VWF: variants seen among roughly 807,000 people sequenced by gnomAD.
VWF encodes von Willebrand factor.
Under a neutral mutation model 308.6 loss-of-function variants are expected in VWF, and 176 were observed. The ratio of observed to expected loss-of-function variants is 0.57; its 90% CI spans 0.50 to 0.65. The LOEUF (loss-of-function observed/expected upper bound fraction) is 0.65. Among genes scored for constraint, VWF ranks in the 30% least tolerant of loss-of-function variants. The pLI is 0.00. For synonymous variants in VWF, 1,385 were observed against 1,443.4 expected (o/e 0.96, Z 0.92); for missense variants, 3,146 against 3,648.2 (o/e 0.86, Z 3.55).
chr12:6,079,805 C>T (rs1017496439), intron 6 of VWF, among the ~76,000 whole-genome samples: 1 of 152,156 alleles, frequency 6.6e-6, no homozygotes, highest in East Asian at 1.9e-4. Context: ...CCCTGGCTGA[C>T]AGGGCAAAGC....
At chr12:6,054,689 A>G (rs530474638) in intron 15 of VWF, among the ~76,000 whole-genome samples, 1 of 152,186 alleles carries the variant, frequency 6.6e-6, no homozygotes, top group African/African-American at 2.4e-5. Flanking sequence ...TTGCAAGAGG[A>G]AAAAAAATGT....
At chr12:6,048,588 G>C (rs896186492) in intron 16 of VWF, among the ~76,000 whole-genome samples, 6 of 152,198 alleles carry the variant, frequency 3.9e-5, no homozygotes, top group Admixed American at 1.3e-4. Flanking sequence ...TCAGCCTCCA[G>C]AGTAGCTGGG....
At chr12:5,953,661 T>C in intron 47 of VWF, 67 bp from the exon 48 acceptor site, 1 of 1,328,522 alleles carries the variant, frequency 7.5e-7, no homozygotes. Flanking sequence ...GTAAGTAGGC[T>C]GATTTTGCTG....
At chr12:6,098,952 C>G (rs1315835030) in intron 5 of VWF, among the ~76,000 whole-genome samples, 5 of 151,816 alleles carry the variant, frequency 3.3e-5, no homozygotes, top group African/African-American at 9.7e-5. Flanking sequence ...CCTGAGACCC[C>G]CATTGTGAAG....
chr12:6,009,501 T>C (rs2363320), intron 34 of VWF, among the ~76,000 whole-genome samples: 18 of 150,820 alleles, frequency 1.2e-4, no homozygotes, highest in Admixed American at 7.9e-4. Context: ...TGTGAAGAAA[T>C]TGAAACCCTT....
At chr12:6,064,643 T>C (rs1407123148) in intron 11 of VWF, among the ~76,000 whole-genome samples, 1 of 152,216 alleles carries the variant, frequency 6.6e-6, no homozygotes, top group Non-Finnish European at 1.5e-5. Flanking sequence ...GGGCCTCTGC[T>C]TCATCGTGTT....
chr12:6,052,499 G>GTCCTTTACTTCATGTTTA, intron 16 of VWF, 44 bp downstream of exon 16: 1 of 1,613,878 alleles, frequency 6.2e-7, no homozygotes, highest in Non-Finnish European at 8.5e-7. Context: ...TTCCTCCCCA[G>GTCCTTTACTTCATGTTTA]CTCTGCTGTT....
At chr12:6,025,497 A>T in intron 24 of VWF, 83 bp downstream of exon 24, 1 of 1,112,196 alleles carries the variant, frequency 9.0e-7, no homozygotes, top group South Asian at 1.3e-5. Context: ...GGTAGTGTCC[A>T]CGTTAGAAGG....
At chr12:6,026,847 A>G (rs1944198586) in intron 22 of VWF, among the ~76,000 whole-genome samples, 1 of 152,234 alleles carries the variant, frequency 6.6e-6, no homozygotes. Context: ...TACACACTGT[A>G]TACATGTACT....
chr12:5,985,010 G>A, intron 40 of VWF, 35 bp downstream of exon 40: 1 of 1,608,348 alleles, frequency 6.2e-7, no homozygotes, highest in Non-Finnish European at 8.5e-7. Flanking sequence ...GGCTAGGGTT[G>A]GGCCCTGGAG....
intron 5 of VWF, among the ~76,000 whole-genome samples, chr12:6,105,620 A>G (rs1422543705): frequency 6.6e-6 from 1 of 152,256 alleles, no homozygotes; most frequent in Non-Finnish European, 1.5e-5. Context: ...AAGTAAAGAG[A>G]AATAGATATT....
chr12:6,078,831 A>G (rs1944873679), intron 6 of VWF, among the ~76,000 whole-genome samples: 1 of 152,110 alleles, frequency 6.6e-6, no homozygotes, highest in Admixed American at 6.6e-5. Context: ...AGCATTTCCA[A>G]ATCACTCTTT....
intron 10 of VWF, among the ~76,000 whole-genome samples, chr12:6,067,023 G>A (rs1444450245): frequency 6.6e-6 from 1 of 152,186 alleles, no homozygotes; most frequent in Non-Finnish European, 1.5e-5. Flanking sequence ...GAAATTAGGA[G>A]AAAGTGGAAA....
At chr12:5,997,893 A>T (rs1435948419) in intron 34 of VWF, among the ~76,000 whole-genome samples, 1 of 152,230 alleles carries the variant, frequency 6.6e-6, no homozygotes, top group East Asian at 1.9e-4. Context: ...ACCAATTAAA[A>T]ATTAATACAT....
chr12:6,114,246 G>A (rs1661067725), intron 3 of VWF, among the ~76,000 whole-genome samples: 1 of 152,178 alleles, frequency 6.6e-6, no homozygotes, highest in South Asian at 2.1e-4. Context: ...GGTAGGGAAC[G>A]CTTCAGAGGC....
intron 24 of VWF, 62 bp from the exon 25 acceptor site, chr12:6,023,849 G>A (rs1944161248): frequency 3.2e-6 from 5 of 1,586,560 alleles, no homozygotes; most frequent in Non-Finnish European, 4.3e-6. Context: ...CTGGCTCTTA[G>A]TCTGGGTGCA....
intron 47 of VWF, among the ~76,000 whole-genome samples, chr12:5,963,969 A>G (rs1429661187): frequency 6.6e-6 from 1 of 152,210 alleles, no homozygotes; most frequent in Non-Finnish European, 1.5e-5. Context: ...GCACTTTGGG[A>G]GGCCAAGGTG....
In VWF at chr12:6,036,431, C is replaced by T. The variant is rs1365536987; in HGVS notation, c.2503G>A (p.Glu835Lys). The change falls in exon 19 of 52, where the codon GAG becomes AAG. Residue 835 changes from glutamate to lysine, a missense_variant. By Grantham distance (56) the Glu-to-Lys change is moderately conservative. Coordinates refer to ENST00000261405, the MANE Select transcript of VWF (RefSeq NM_000552.5). ...TTCACTGTTTCTCCAGGGGCATACT[C>T]CTTGCCCTGATGGAAGCAGGGACAC... ...ERCPCFHQGK[E>K]YAPGETVKIG... 4 of 1,614,124 alleles carry T rather than the reference C, an allele frequency of 2.5e-6. No individual in the cohort carries two copies. Among genetic ancestry groups the T allele is most frequent in the Non-Finnish European group, 3.4e-6 (4 of 1,180,042 alleles).
chr12:5,952,191 A>AT, intron 49 of VWF, 200 bp downstream of exon 49: 6 of 791,830 alleles, frequency 7.6e-6, no homozygotes, highest in Non-Finnish European at 1.0e-5. Context: ...TAAGGAAAAT[A>AT]TTTTTTTAAA....
Sources: gnomAD v4.1 joint callset for allele counts (sites outside exome capture counted in the v4.1 genomes callset) on GRCh38, gnomAD v4.1.1 for gene constraint, MANE v1.5 for transcripts, NCBI Gene and HGNC (gene_info 2026-07-23, HGNC 2026-07-21) for gene names.